The following JARID2 variants were observed in gnomAD, a reference collection of about 807,000 sequenced individuals.
JARID2 encodes protein Jumonji.
A neutral mutation model predicts 125.6 loss-of-function variants in JARID2; 21 were observed. The observed-to-expected ratio is 0.17, with a 90% CI of 0.12 to 0.24. The LOEUF (loss-of-function observed/expected upper bound fraction) is 0.24. JARID2 is among the 10% of genes least tolerant of loss of function. The pLI is 1.00. For missense variants in JARID2, 1,303 were observed against 1,639.6 expected, an observed-to-expected ratio of 0.79 and a Z score of 3.55; for synonymous variants, 736 against 661.6, an observed-to-expected ratio of 1.11 and a Z score of -1.73.
chr6:15,390,675 C>G (rs2237158), intron 2 of JARID2, among the ~76,000 whole-genome samples: 79,441 of 151,870 alleles, frequency 0.52, 20,994 homozygotes, highest in South Asian at 0.65. Flanking sequence ...CATGTGTGCT[C>G]TGTAAAACTG....
intron 5 of JARID2, among the ~76,000 whole-genome samples, chr6:15,476,231 G>A (rs1163371603): frequency 6.6e-6 from 1 of 152,228 alleles, no homozygotes; most frequent in Non-Finnish European, 1.5e-5. Context: ...ATTTCAAGGA[G>A]AACAGCTTTA....
intron 1 of JARID2, among the ~76,000 whole-genome samples, chr6:15,349,575 A>C (rs899930992): frequency 6.6e-6 from 1 of 152,184 alleles, no homozygotes; most frequent in Non-Finnish European, 1.5e-5. Context: ...GTTTTGGCCA[A>C]AGATCACTGA....
intron 1 of JARID2, among the ~76,000 whole-genome samples, chr6:15,285,638 A>C (rs1441864543): frequency 6.6e-6 from 1 of 152,136 alleles, no homozygotes; most frequent in Non-Finnish European, 1.5e-5. Context: ...GTGGACTTTG[A>C]AATTGCTTTT....
At chr6:15,425,276 T>C (rs1478909052) in intron 3 of JARID2, among the ~76,000 whole-genome samples, 4 of 152,206 alleles carry the variant, frequency 2.6e-5, no homozygotes, top group Non-Finnish European at 5.9e-5. Flanking sequence ...AAGGAGCACA[T>C]ATGCATAGGT....
At chr6:15,397,132 C>T (rs1581502240) in intron 2 of JARID2, among the ~76,000 whole-genome samples, 1 of 152,074 alleles carries the variant, frequency 6.6e-6, no homozygotes, top group Admixed American at 6.6e-5. Context: ...AAATAAAATT[C>T]CAACAGGTAA....
intron 1 of JARID2, among the ~76,000 whole-genome samples, chr6:15,283,796 C>G (rs908370617): frequency 2.0e-5 from 3 of 150,956 alleles, no homozygotes; most frequent in Non-Finnish European, 4.4e-5. Context: ...AGCTCCACCT[C>G]CTGGGTTCAT....
intron 1 of JARID2, among the ~76,000 whole-genome samples, chr6:15,351,099 A>G (rs1017737829): frequency 1.3e-5 from 2 of 152,206 alleles, no homozygotes; most frequent in African/African-American, 4.8e-5. Context: ...TCATATTTGA[A>G]GGTGCCTTTT....
At chr6:15,468,446 G>GT (rs1768852472) in intron 4 of JARID2, 96 bp from the exon 5 acceptor site, 4 of 1,142,000 alleles carry the variant, frequency 3.5e-6, no homozygotes, top group Admixed American at 2.6e-5. Context: ...CAGTTGCTTT[G>GT]TTTTTTCTCC....
chr6:15,467,668 T>C (rs1186292811), intron 4 of JARID2, among the ~76,000 whole-genome samples: 1 of 151,992 alleles, frequency 6.6e-6, no homozygotes, highest in Non-Finnish European at 1.5e-5. Context: ...ATAGCAAGAC[T>C]CCATCTCCCC....
chr6:15,438,079 T>C (rs1365358361), intron 3 of JARID2, among the ~76,000 whole-genome samples: 2 of 152,148 alleles, frequency 1.3e-5, no homozygotes, highest in African/African-American at 4.8e-5. Context: ...GATGGTATTT[T>C]GGAAATGGGT....
At chr6:15,318,424 A>G (rs960152970) in intron 1 of JARID2, among the ~76,000 whole-genome samples, 1 of 152,184 alleles carries the variant, frequency 6.6e-6, no homozygotes, top group African/African-American at 2.4e-5. Flanking sequence ...GTTTTCGTAT[A>G]CCTAGAATAG....
chr6:15,510,961 G>A (rs979936638), intron 12 of JARID2, among the ~76,000 whole-genome samples: 2 of 152,244 alleles, frequency 1.3e-5, no homozygotes, highest in African/African-American at 2.4e-5. Flanking sequence ...AGGCCGCAGT[G>A]TGTCTGGTTC....
At chr6:15,489,975 G>A (rs549126314) in intron 6 of JARID2, among the ~76,000 whole-genome samples, 8 of 152,292 alleles carry the variant, frequency 5.3e-5, no homozygotes, top group East Asian at 1.9e-4. Flanking sequence ...CCTTCAATGA[G>A]ACTTGAGATG....
At chr6:15,265,366 TA>T (rs11291217) in intron 1 of JARID2, among the ~76,000 whole-genome samples, 74,569 of 143,146 alleles carry the variant, frequency 0.52, 18,963 homozygotes, top group African/African-American at 0.62. Flanking sequence ...AGGTTTGCAT[TA>T]AAAAAAAAAA....
intron 3 of JARID2, among the ~76,000 whole-genome samples, chr6:15,431,570 T>A (rs1280812713): frequency 1.3e-5 from 2 of 152,228 alleles, no homozygotes; most frequent in Admixed American, 6.5e-5. Flanking sequence ...GCTCTTTACA[T>A]ATTATTCACA....
chr6:15,322,105 G>C (rs1029950200), intron 1 of JARID2, among the ~76,000 whole-genome samples: 2 of 152,174 alleles, frequency 1.3e-5, no homozygotes, highest in Non-Finnish European at 2.9e-5. Flanking sequence ...ATTAGATTTA[G>C]TGTCTAGTGG....
chr6:15,329,193 G>GTTT (rs1762626762), intron 1 of JARID2, among the ~76,000 whole-genome samples: 1 of 11,196 alleles, frequency 8.9e-5, no homozygotes, highest in African/African-American at 3.4e-4. Flanking sequence ...TTTTTTTTTG[G>GTTT]GGGATTATTT....
At chr6:15,341,935 C>T (rs954307146) in intron 1 of JARID2, among the ~76,000 whole-genome samples, 7 of 151,674 alleles carry the variant, frequency 4.6e-5, no homozygotes, top group Non-Finnish European at 1.0e-4. Context: ...AGTTCCATAC[C>T]CTATTTTGTA....
intron 1 of JARID2, among the ~76,000 whole-genome samples, chr6:15,343,546 A>G (rs1404320888): frequency 1.3e-5 from 2 of 152,192 alleles, no homozygotes; most frequent in Non-Finnish European, 1.5e-5. Context: ...CTCTTGCTAT[A>G]AAATTAGGCT....
Sources: gnomAD v4.1 joint callset for allele counts (sites outside exome capture counted in the v4.1 genomes callset) on GRCh38, gnomAD v4.1.1 for gene constraint, MANE v1.5 for transcripts, NCBI Gene and HGNC (gene_info 2026-07-23, HGNC 2026-07-21) for gene names.